Variants in DPH6 observed in about 807,000 individuals in gnomAD.
The protein encoded by DPH6 is diphthamine biosynthesis 6.
In DPH6, 33 loss-of-function variants were observed where a neutral mutation model predicts 38.2. That is an observed-to-expected ratio of 0.86 (90% CI 0.65 to 1.15). DPH6 has a LOEUF of 1.15. Among genes scored for constraint, DPH6 ranks in the 50% most tolerant of loss-of-function variants. The pLI, the probability that DPH6 is intolerant of heterozygous loss-of-function variation, is 0.00. For synonymous variants in DPH6, 108 were observed against 103.0 expected (o/e 1.05, Z -0.30); for missense variants, 325 against 320.0 (o/e 1.02, Z -0.12).
chr15:35,232,714 T>C (rs2051526708), intron 3 of DPH6, among the ~76,000 whole-genome samples: 3 of 152,174 alleles, frequency 2.0e-5, no homozygotes, highest in Admixed American at 1.3e-4. Context: ...TTCTATCACA[T>C]TTGCAAAAAT....
intron 3 of DPH6, among the ~76,000 whole-genome samples, chr15:35,248,103 C>T (rs749790680): frequency 6.6e-5 from 10 of 152,146 alleles, no homozygotes; most frequent in Non-Finnish European, 1.5e-4. Context: ...AAAGTATACG[C>T]TTTTGTTGAG....
At chr15:35,230,935 G>T (rs775190394) in intron 3 of DPH6, among the ~76,000 whole-genome samples, 7 of 152,314 alleles carry the variant, frequency 4.6e-5, no homozygotes, top group Non-Finnish European at 8.8e-5. Context: ...GAAAGAAGAG[G>T]TCTCTATTGG....
intron 6 of DPH6, among the ~76,000 whole-genome samples, chr15:35,397,879 A>G (rs868520773): frequency 5.8e-4 from 52 of 90,216 alleles, no homozygotes; most frequent in African/African-American, 1.4e-3. Context: ...ACACACACAC[A>G]CACACACACA....
intron 7 of DPH6, among the ~76,000 whole-genome samples, chr15:35,375,660 T>C (rs867084803): frequency 2.4e-4 from 37 of 152,092 alleles, no homozygotes; most frequent in African/African-American, 7.7e-4. Context: ...GTCATATAGC[T>C]AGGTCTTTTC....
chr15:35,259,854 T>A (rs925057354), intron 3 of DPH6, among the ~76,000 whole-genome samples: 1 of 152,080 alleles, frequency 6.6e-6, no homozygotes, highest in Non-Finnish European at 1.5e-5. Flanking sequence ...ACACGACAAA[T>A]TGGAAAGAAG....
At chr15:35,458,025 A>T (rs7168693) in intron 3 of DPH6, among the ~76,000 whole-genome samples, 3,799 of 152,294 alleles carry the variant, frequency 0.025, 156 homozygotes, top group African/African-American at 0.085. Context: ...ACCAATGCAT[A>T]TCCTTGCATA....
chr15:35,280,089 T>G (rs1389306842), intron 3 of DPH6, among the ~76,000 whole-genome samples: 1 of 152,142 alleles, frequency 6.6e-6, no homozygotes, highest in Non-Finnish European at 1.5e-5. Context: ...CTGTGAGAAA[T>G]AAATTTCTGT....
At chr15:35,167,809 G>C in the DPH6 span, among the ~76,000 whole-genome samples, 3 of 151,936 alleles carry the variant, frequency 2.0e-5, no homozygotes, top group African/African-American at 7.2e-5. Context: ...ATATCTTTCT[G>C]AATGTCATCA....
At chr15:35,235,258 C>G (rs1462906076) in intron 3 of DPH6, among the ~76,000 whole-genome samples, 1 of 152,174 alleles carries the variant, frequency 6.6e-6, no homozygotes, top group Non-Finnish European at 1.5e-5. Flanking sequence ...AGTTCCCTTT[C>G]CTTGGTTTGG....
intron 6 of DPH6, chr15:35,396,588 T>C (rs1463985782): frequency 1.3e-5 from 2 of 151,648 alleles, no homozygotes; most frequent in Non-Finnish European, 1.5e-5. Context: ...GAAGTTGCTC[T>C]GAATTTTCTC....
exon 4 of DPH6, chr15:35,218,875 CAA>C (rs2051425802): frequency 6.6e-6 from 1 of 151,734 alleles, no homozygotes; most frequent in Admixed American, 6.6e-5. Flanking sequence ...TTTCTTACAC[CAA>C]GAGAGTCCAT....
intron 5 of DPH6, among the ~76,000 whole-genome samples, chr15:35,429,657 T>C (rs906943225): frequency 6.6e-6 from 1 of 152,130 alleles, no homozygotes; most frequent in Admixed American, 6.5e-5. Context: ...TCATTTGTTT[T>C]ATCTTACCAC....
rs541726482 is a variant in DPH6 at position 35,431,976 on chromosome 15, C to G, written c.505+18709G>C. ...CTAATTTCACTTGGCAAACTTTTGACAAATACCAATCAATACTTACTATGA... is the reference window on the plus strand; with the variant it reads ...CTAATTTCACTTGGCAAACTTTTGAGAAATACCAATCAATACTTACTATGA... On this transcript the variant is annotated intron_variant, in intron 5 of 8. Transcript: ENST00000256538. 3.9e-5 allele frequency among the ~76,000 whole-genome samples: 6 copies of G among 152,244 alleles called. No individual in the cohort carries two copies. In the East Asian group the frequency reaches 1.2e-3, roughly 29 times the overall value.
At chr15:35,466,625 G>A (rs1014355551) in intron 3 of DPH6, among the ~76,000 whole-genome samples, 1 of 152,054 alleles carries the variant, frequency 6.6e-6, no homozygotes, top group Non-Finnish European at 1.5e-5. Flanking sequence ...ATTTAACAAT[G>A]GGCATACATT....
At chr15:35,436,503 ACAAAAC>A (rs1566909258) in intron 5 of DPH6, among the ~76,000 whole-genome samples, 5 of 79,916 alleles carry the variant, frequency 6.3e-5, no homozygotes, top group African/African-American at 5.4e-4. Flanking sequence ...ACAAAACAAA[ACAAAAC>A]AAAACAAAAA....
intron 3 of DPH6, among the ~76,000 whole-genome samples, chr15:35,458,838 C>T (rs576476852): frequency 7.1e-4 from 108 of 152,220 alleles, no homozygotes; most frequent in Non-Finnish European, 1.2e-3. Context: ...TAATGCAATC[C>T]TTTTGGATCA....
the DPH6 span, among the ~76,000 whole-genome samples, chr15:35,194,006 A>G: frequency 1.3e-5 from 2 of 152,148 alleles, no homozygotes; most frequent in Non-Finnish European, 2.9e-5. Flanking sequence ...AGTAATCTAA[A>G]TTATAATTGA....
intron 3 of DPH6, chr15:35,490,132 T>C (rs16961094): frequency 0.055 from 54,435 of 985,244 alleles, 2,115 homozygotes; most frequent in African/African-American, 0.19. Context: ...ACTTCAATCA[T>C]TGGGTTAATT....
At chr15:35,186,656 T>C in the DPH6 span, among the ~76,000 whole-genome samples, 1 of 152,260 alleles carries the variant, frequency 6.6e-6, no homozygotes, top group African/African-American at 2.4e-5. Context: ...GCAGTTGTTA[T>C]GTATTTTCTA....
Sources: allele counts gnomAD v4.1 joint callset (sites outside exome capture counted in the v4.1 genomes callset), GRCh38; gene constraint gnomAD v4.1.1; transcripts MANE v1.5; gene names NCBI Gene and HGNC (gene_info 2026-07-23, HGNC 2026-07-21).